The following MYO7A variants were observed in gnomAD, a reference collection of about 807,000 sequenced individuals.
MYO7A encodes unconventional myosin-VIIa.
MYO7A carries 210 observed loss-of-function variants against 263.8 expected under a neutral mutation model. The ratio of observed to expected loss-of-function variants is 0.80; its 90% CI spans 0.71 to 0.89. MYO7A has a LOEUF of 0.89. Among genes scored for constraint, MYO7A ranks in the 40% least tolerant of loss-of-function variants. MYO7A has a pLI of 0.00. For missense variants in MYO7A, 2,820 were observed against 2,968.3 expected (o/e 0.95, Z 1.16); for synonymous variants, 1,239 against 1,197.3 (o/e 1.03, Z -0.72).
At chr11:77,175,496 G>A (rs1041856959) in intron 18 of MYO7A, 32 bp downstream of exon 18, 13 of 1,593,214 alleles carry the variant, frequency 8.2e-6, no homozygotes, top group East Asian at 2.2e-5. Context: ...GGGCTGCCCT[G>A]GGGGGGCTGT....
chr11:77,191,907 TG>T, intron 30 of MYO7A, 143 bp from the exon 31 acceptor site: 2 of 662,112 alleles, frequency 3.0e-6, no homozygotes, highest in Non-Finnish European at 5.1e-6. Context: ...GGCTAGAATC[TG>T]GTCTGCCTCC....
chr11:77,202,741 C>T (rs1459459439), intron 37 of MYO7A, among the ~76,000 whole-genome samples: 1 of 118,868 alleles, frequency 8.4e-6, no homozygotes, highest in African/African-American at 3.1e-5. Context: ...GCTTCTGGGG[C>T]GGGGGGTGGG....
intron 31 of MYO7A, 107 bp downstream of exon 31, chr11:77,192,385 T>C (rs1463104477): frequency 1.2e-5 from 14 of 1,125,766 alleles, no homozygotes; most frequent in Non-Finnish European, 1.7e-5. Flanking sequence ...CAGGCTGGGG[T>C]GAGCCTGACT....
In MYO7A at chr11:77,147,982, G is replaced by A. The variant is rs781990686; in HGVS notation, c.285+32G>A. The A allele has an allele frequency of 2.7e-6, 4 of 1,491,072 alleles. No individual in the cohort carries two copies. In the South Asian group the frequency reaches 3.9e-5, roughly 14 times the overall value. The allele number at this position is 1,491,072 out of a possible 1,614,324, so 92.4% of individuals were successfully genotyped here. ...GCCGCCCCGCCCGGTGCCCGTCCAG[G>A]CCCCCTCAGGCCCCGCCCCGCCCAC... On this transcript the variant is annotated intron_variant, in intron 4 of 48. Coordinates refer to ENST00000409709, the MANE Select transcript of MYO7A (RefSeq NM_000260.4).
intron 2 of MYO7A, among the ~76,000 whole-genome samples, chr11:77,137,584 C>G (rs894291187): frequency 2.0e-5 from 3 of 152,178 alleles, no homozygotes; most frequent in Admixed American, 1.3e-4. Context: ...GGACGGTGGC[C>G]TCTGGCTCAC....
chr11:77,181,698 G>A, intron 23 of MYO7A, 109 bp downstream of exon 23: 1 of 1,089,044 alleles, frequency 9.2e-7, no homozygotes, highest in African/African-American at 1.6e-5. Flanking sequence ...TCTGAACAGT[G>A]GGGAGCAGAG....
In MYO7A at chr11:77,162,971, T is replaced by C. The variant is rs985294590; in HGVS notation, c.1673T>C (p.Val558Ala). 1.9e-6 allele frequency: 3 copies of C among 1,613,822 alleles called. No homozygotes were observed. Among genetic ancestry groups the C allele is most frequent in the Non-Finnish European group, 2.5e-6 (3 of 1,179,846 alleles). ...GGCATCAACCATTTTGCAGGCATCGTCTACTATGAGACCCAAGGTACAGAG... is the reference window on the plus strand; with the variant it reads ...GGCATCAACCATTTTGCAGGCATCGCCTACTATGAGACCCAAGGTACAGAG... The part of the protein sequence containing the change: ...QFGINHFAGI[V>A]YYETQGFLEK... The change falls in exon 14 of 49, where the codon GTC becomes GCC. Residue 558 changes from valine (V) to alanine (A), a missense_variant. Physicochemically the swap from Val to Ala is moderately conservative, Grantham distance 64. Coordinates refer to ENST00000409709, the MANE Select transcript of MYO7A (RefSeq NM_000260.4).
At chr11:77,174,629 G>C (rs1954451613) in intron 16 of MYO7A, 127 bp from the exon 17 acceptor site, 1 of 958,048 alleles carries the variant, frequency 1.0e-6, no homozygotes, top group African/African-American at 1.6e-5. Flanking sequence ...GCCTGTCCCA[G>C]CTTTGCTCCT....
At chr11:77,207,490 G>A in intron 42 of MYO7A, 88 bp downstream of exon 42, 2 of 983,388 alleles carry the variant, frequency 2.0e-6, no homozygotes, top group African/African-American at 1.6e-5. Context: ...GAGGAACTGG[G>A]GGAGAGAGGG....
intron 29 of MYO7A, 142 bp downstream of exon 29, chr11:77,190,281 A>G (rs985856379): frequency 8.7e-6 from 8 of 916,650 alleles, no homozygotes; most frequent in Non-Finnish European, 1.2e-5. Flanking sequence ...CCTACCCTCA[A>G]GTTCTGGAAC....
At chr11:77,206,041 C>G in intron 40 of MYO7A, 56 bp from the exon 41 acceptor site, 2 of 1,380,494 alleles carry the variant, frequency 1.4e-6, no homozygotes, top group Non-Finnish European at 1.0e-6. Context: ...TGTCCCGGTC[C>G]CCTGGTCTCC....
chr11:77,174,883 T>C lies in MYO7A; in HGVS notation c.2063T>C (p.Leu688Pro), dbSNP rs782270493. 6.2e-7 allele frequency: 1 copy of C among 1,613,680 alleles called. No individual in the cohort carries two copies. The highest frequency in any genetic ancestry group is 8.5e-7 in the Non-Finnish European group (1 of 1,179,850). ...GAGTTTGTGGAGCGGTACCGTGTGC[T>C]GCTGCCAGGTGTGAAGCCGGCCTAC... ...FVEFVERYRV[L>P]LPGVKPAYKQ... Residue 688 changes from leucine to proline, a missense_variant, in exon 17 of 49, where the codon CTG becomes CCG. Coordinates refer to ENST00000409709, the MANE Select transcript of MYO7A (RefSeq NM_000260.4).
chr11:77,152,144 C>T (rs782109753), intron 4 of MYO7A, among the ~76,000 whole-genome samples: 57 of 152,176 alleles, frequency 3.7e-4, no homozygotes, highest in Non-Finnish European at 5.0e-4. Flanking sequence ...TCTGCCTCAC[C>T]GAGGAAAGAG....
At chr11:77,168,489 T>A (rs1469068226) in intron 15 of MYO7A, among the ~76,000 whole-genome samples, 1 of 152,198 alleles carries the variant, frequency 6.6e-6, no homozygotes, top group Non-Finnish European at 1.5e-5. Flanking sequence ...TACTCCCACT[T>A]TACAGGTGAA....
chr11:77,204,669 C>T (rs1957314503), intron 39 of MYO7A, among the ~76,000 whole-genome samples: 1 of 152,196 alleles, frequency 6.6e-6, no homozygotes, highest in South Asian at 2.1e-4. Context: ...CCTTCTCCTC[C>T]CGCTGGGACA....
At chr11:77,171,849 T>C (rs1555076192) in intron 15 of MYO7A, among the ~76,000 whole-genome samples, 1 of 152,204 alleles carries the variant, frequency 6.6e-6, no homozygotes, top group East Asian at 1.9e-4. Flanking sequence ...GGCTCAGGGC[T>C]TCCCCCACCT....
intron 11 of MYO7A, 89 bp from the exon 12 acceptor site, chr11:77,160,884 C>T: frequency 1.4e-6 from 2 of 1,467,154 alleles, no homozygotes; most frequent in South Asian, 2.5e-5. Context: ...CACACAAGGG[C>T]TGGAGCGACA....
In MYO7A at chr11:77,156,654, C is replaced by G; in HGVS notation, c.471-6C>G. ...TGACAGGTCCTGCCACTCCCTCCCT[C>G]TGCAGTGGGGAATCTGGGGCCGGGA... is the stretch of plus-strand genomic sequence containing the variant. On this transcript the variant is annotated splice_polypyrimidine_tract_variant and splice_region_variant and intron_variant, in intron 5 of 48. Transcript: ENST00000409709. 1 of 1,613,660 alleles carries G rather than the reference C, an allele frequency of 6.2e-7. No homozygotes were observed. Among genetic ancestry groups the G allele is most frequent in the South Asian group, 1.1e-5 (1 of 91,052 alleles).
At chr11:77,156,587 G>T in intron 5 of MYO7A, 73 bp from the exon 6 acceptor site, 1 of 1,597,028 alleles carries the variant, frequency 6.3e-7, no homozygotes. Context: ...GGATGGTGCA[G>T]CCTGGGCTGA....
Sources: allele counts gnomAD v4.1 joint callset (sites outside exome capture counted in the v4.1 genomes callset), GRCh38; gene constraint gnomAD v4.1.1; transcripts MANE v1.5; gene names NCBI Gene and HGNC (gene_info 2026-07-23, HGNC 2026-07-21).